The following GALNT16 variants were observed in gnomAD, a reference collection of about 807,000 sequenced individuals.
GALNT16 encodes UDP-GalNAc:polypeptide N-acetylgalactosaminyltransferase-like protein 1.
In GALNT16, 40 loss-of-function variants were observed where a neutral mutation model predicts 76.1. The ratio of observed to expected loss-of-function variants is 0.53; its 90% confidence interval spans 0.41 to 0.68. GALNT16 has a LOEUF of 0.68. GALNT16 is among the 30% of genes least tolerant of loss of function. The pLI is 0.00. For missense variants in GALNT16, 621 were observed against 731.9 expected (o/e 0.85, Z 1.75); for synonymous variants, 276 against 285.2 (o/e 0.97, Z 0.32).
At chr14:69,291,931 C>T (rs2044692133) in intron 1 of GALNT16, among the ~76,000 whole-genome samples, 1 of 152,196 alleles carries the variant, frequency 6.6e-6, no homozygotes, top group African/African-American at 2.4e-5. Flanking sequence ...ACCCGAAGTC[C>T]TGTAATGGGT....
the GALNT16 span, among the ~76,000 whole-genome samples, chr14:69,377,664 A>G: frequency 2.2e-3 from 332 of 152,098 alleles, 2 homozygotes; most frequent in African/African-American, 7.7e-3. Flanking sequence ...TTAAACAATT[A>G]GCTGGCCATG....
intron 1 of GALNT16, among the ~76,000 whole-genome samples, chr14:69,320,208 T>A (rs964654488): frequency 2.6e-5 from 4 of 152,218 alleles, no homozygotes; most frequent in Admixed American, 6.5e-5. Context: ...AAAAAGCCTC[T>A]TGATGGCCGG....
chr14:69,305,338 T>G (rs912062330), intron 1 of GALNT16, among the ~76,000 whole-genome samples: 25 of 152,046 alleles, frequency 1.6e-4, no homozygotes, highest in African/African-American at 5.8e-4. Flanking sequence ...TAATTTTGTA[T>G]TTTGTGTAGA....
intron 1 of GALNT16, among the ~76,000 whole-genome samples, chr14:69,306,145 T>C (rs180730961): frequency 2.6e-5 from 4 of 152,368 alleles, no homozygotes; most frequent in Non-Finnish European, 1.5e-5. Context: ...TTCCATACTG[T>C]TGTTTGATGA....
At chr14:69,286,595 C>T (rs371230068) in intron 1 of GALNT16, among the ~76,000 whole-genome samples, 3 of 152,234 alleles carry the variant, frequency 2.0e-5, no homozygotes, top group South Asian at 4.2e-4. Context: ...TGAGCCACTG[C>T]GCCCGGCCAA....
intron 1 of GALNT16, among the ~76,000 whole-genome samples, chr14:69,311,357 CT>C (rs1378560239): frequency 6.6e-6 from 1 of 152,190 alleles, no homozygotes; most frequent in East Asian, 1.9e-4. Flanking sequence ...AGGGCAGAGC[CT>C]TTCTGACTTA....
intron 4 of GALNT16, among the ~76,000 whole-genome samples, 183 bp from the exon 5 acceptor site, chr14:69,325,779 C>T (rs34996930): frequency 0.068 from 10,400 of 152,296 alleles, 473 homozygotes; most frequent in Non-Finnish European, 0.095. Flanking sequence ...ACAGGCACTC[C>T]TCAGTCTGGC....
chr14:69,275,912 A>G (rs2140109781), intron 1 of GALNT16, among the ~76,000 whole-genome samples: 1 of 152,340 alleles, frequency 6.6e-6, no homozygotes, highest in East Asian at 1.9e-4. Context: ...GGCAATTTAC[A>G]AAAGAAAGAG....
chr14:69,381,057 T>TG, the GALNT16 span, among the ~76,000 whole-genome samples: 478 of 151,838 alleles, frequency 3.1e-3, 4 homozygotes, highest in African/African-American at 0.011. Context: ...CTGAGGCGGG[T>TG]GATCACTTGA....
At chr14:69,369,244 G>A in the GALNT16 span, among the ~76,000 whole-genome samples, 3 of 152,116 alleles carry the variant, frequency 2.0e-5, no homozygotes, top group East Asian at 1.9e-4. Context: ...CATGGCAGAC[G>A]GTCTTATTCC....
rs572473855 is a variant in GALNT16 at position 69,353,066 on chromosome 14, G to A, written c.*898G>A. Among the ~76,000 whole-genome samples, 5 of 152,134 alleles carry A rather than the reference G, an allele frequency of 3.3e-5. No individual in the cohort carries two copies. Among genetic ancestry groups the A allele is most frequent in the Non-Finnish European group, 7.4e-5 (5 of 68,014 alleles). ...GAACAGCTAGTGCCCTGTCCCTGCC[G>A]CCAGGACCCACTGAAAGGACGGGTA... On this transcript the variant is annotated 3_prime_UTR_variant, in exon 15 of 15. Coordinates refer to ENST00000448469, the MANE Select transcript of GALNT16 (RefSeq NM_001168368.2).
At chr14:69,383,211 G>A in the GALNT16 span, among the ~76,000 whole-genome samples, 89 of 152,158 alleles carry the variant, frequency 5.8e-4, no homozygotes, top group Non-Finnish European at 1.0e-3. Context: ...TTAAGTATAC[G>A]AAATACAAAT....
chr14:69,346,613 T>TAA (rs2045567660), intron 12 of GALNT16, among the ~76,000 whole-genome samples: 1 of 152,212 alleles, frequency 6.6e-6, no homozygotes, highest in Non-Finnish European at 1.5e-5. Flanking sequence ...ATTACTGAGA[T>TAA]TAAACACATT....
intron 12 of GALNT16, 120 bp downstream of exon 12, chr14:69,341,884 C>T: frequency 1.5e-6 from 1 of 683,172 alleles, no homozygotes; most frequent in East Asian, 2.7e-5. Flanking sequence ...TTTCTAGCTG[C>T]CGGGTTTTAT....
At chr14:69,335,501 G>A (rs2045404844) in intron 9 of GALNT16, among the ~76,000 whole-genome samples, 1 of 152,178 alleles carries the variant, frequency 6.6e-6, no homozygotes, top group African/African-American at 2.4e-5. Flanking sequence ...TCCTTGCTCT[G>A]CCTCCAAAGG....
chr14:69,260,136 A>ACCGCCCCC, upstream of GALNT16: 4 of 113,994 alleles, frequency 3.5e-5, 2 homozygotes, highest in Non-Finnish European at 7.1e-5. Flanking sequence ...TCTCCCTATC[A>ACCGCCCCC]CCCCCCCGCC....
intron 1 of GALNT16, among the ~76,000 whole-genome samples, chr14:69,267,904 C>G (rs1285878253): frequency 1.3e-5 from 2 of 152,120 alleles, no homozygotes; most frequent in African/African-American, 4.8e-5. Context: ...TGGCCTTCAG[C>G]CAGGGCTTAA....
At chr14:69,286,865 A>T (rs1235903986) in intron 1 of GALNT16, among the ~76,000 whole-genome samples, 1 of 152,192 alleles carries the variant, frequency 6.6e-6, no homozygotes. Context: ...GAAAAATTTT[A>T]TAATAAAATG....
intron 11 of GALNT16, among the ~76,000 whole-genome samples, chr14:69,341,479 G>C (rs1321356049): frequency 1.3e-5 from 2 of 152,236 alleles, no homozygotes; most frequent in Admixed American, 6.5e-5. Context: ...GATGAGTGAG[G>C]CATAGCCAGG....
Sources: allele counts gnomAD v4.1 joint callset (sites outside exome capture counted in the v4.1 genomes callset), GRCh38; gene constraint gnomAD v4.1.1; transcripts MANE v1.5; gene names NCBI Gene and HGNC (gene_info 2026-07-23, HGNC 2026-07-21).